Variants in ARHGEF10 observed in about 807,000 individuals in gnomAD.
ARHGEF10 encodes Rho guanine nucleotide exchange factor 10.
Under a neutral mutation model 147.4 loss-of-function variants are expected in ARHGEF10, and 140 were observed. The observed-to-expected ratio is 0.95, with a 90% CI of 0.83 to 1.09. The LOEUF (loss-of-function observed/expected upper bound fraction) is 1.09, where lower values mean the gene tolerates loss of function less well. ARHGEF10 is among the 50% of genes least tolerant of loss of function. The probability of loss-of-function intolerance (pLI) is 0.00; values close to 1 mark genes in which losing one functional copy is unlikely to be tolerated. For synonymous variants in ARHGEF10, 902 were observed against 695.8 expected (o/e 1.30, Z -4.67); for missense variants, 2,222 against 1,752.7 (o/e 1.27, Z -4.78).
chr8:1,865,826 C>T (rs545474804), intron 5 of ARHGEF10, among the ~76,000 whole-genome samples: 328 of 152,320 alleles, frequency 2.2e-3, no homozygotes, highest in African/African-American at 7.3e-3. Context: ...AGTGTCTCTG[C>T]GCTGCCACCG....
In ARHGEF10 at chr8:1,928,533, T is replaced by C. The variant is rs746646889; in HGVS notation, c.2804T>C (p.Met935Thr). The change falls in exon 24 of 29, where the codon ATG becomes ACG. Residue 935 changes from methionine to threonine, a missense_variant. By Grantham distance (81) the Met-to-Thr change is moderately conservative. Transcript: ENST00000349830. ...AACGTGGAATCTCGCATCCTGTGCA[T>C]GCTGTACGTTCCCGTCGAGGAGAAG... ...CFNVESRILCMLYVPVEEKRR... is the reference protein window; with the variant it reads ...CFNVESRILCTLYVPVEEKRR... The C allele has an allele frequency of 4.8e-5, 77 of 1,614,112 alleles. No homozygotes were observed. The highest frequency in any genetic ancestry group is 1.3e-5 in the African/African-American group (1 of 74,926).
rs1813357566 is a variant in ARHGEF10 at position 1,933,919 on chromosome 8, A to C, written c.3199A>C (p.Ser1067Arg). 1 of 1,614,094 alleles carries C rather than the reference A, an allele frequency of 6.2e-7. No homozygotes were observed. The highest frequency in any genetic ancestry group is 1.3e-5 in the African/African-American group (1 of 74,936). ...TTCCGGAGGTCAAGTCTTCATCATC[A>C]GTGTGGAGACTCATGCTGTAGAGGT... ...AASGGQVFII[S>R]VETHAVEGQL... The change falls in exon 26 of 29, where the codon AGT becomes CGT. Residue 1067 changes from serine to arginine, a missense_variant. By Grantham distance (110) the Ser-to-Arg change is moderately radical. Transcript: ENST00000349830.
chr8:1,877,977 C>T (rs921298727), intron 8 of ARHGEF10, among the ~76,000 whole-genome samples: 10 of 152,128 alleles, frequency 6.6e-5, no homozygotes, highest in Admixed American at 6.5e-5. Context: ...CTAGCTGCCA[C>T]GTCCCTATGG....
At chr8:1,894,285 G>T in intron 12 of ARHGEF10, 108 bp from the exon 13 acceptor site, 1 of 1,151,538 alleles carries the variant, frequency 8.7e-7, no homozygotes, top group Non-Finnish European at 1.3e-6. Flanking sequence ...AGGAGTTTGA[G>T]GCTGCAGTGA....
chr8:1,879,472 T>A (rs1290214837), intron 8 of ARHGEF10, among the ~76,000 whole-genome samples: 3 of 152,188 alleles, frequency 2.0e-5, no homozygotes, highest in Non-Finnish European at 4.4e-5. Flanking sequence ...TTTGCTCCTG[T>A]CTAGCACAGA....
In ARHGEF10 at chr8:1,860,090, A is replaced by G. The variant is rs749822; in HGVS notation, c.387A>G (p.Val129=). 109,578 of 1,613,744 alleles carry G rather than the reference A, an allele frequency of 0.068. 3,904 individuals carry two copies. The highest frequency in any genetic ancestry group is 0.079 in the East Asian group (3,525 of 44,860). ...TGCCCTGCGGGTACTTGGTGCCTGTACCCTGCGGCTATGCGGTGCCCTCCA... is the reference window on the plus strand; with the variant it reads ...TGCCCTGCGGGTACTTGGTGCCTGTGCCCTGCGGCTATGCGGTGCCCTCCA... ...LHVPCGYLVP[V]PCGYAVPSNL... The change falls in exon 4 of 29, where the codon GTA becomes GTG. Residue 129 remains valine (V), a synonymous_variant. Coordinates refer to ENST00000349830, the MANE Select transcript of ARHGEF10 (RefSeq NM_014629.4).
At chr8:1,941,564 A>G (rs902206033) in intron 26 of ARHGEF10, among the ~76,000 whole-genome samples, 10 of 152,044 alleles carry the variant, frequency 6.6e-5, no homozygotes, top group Admixed American at 2.0e-4. Flanking sequence ...CATAATCCCT[A>G]TCTAAATTTC....
intron 16 of ARHGEF10, 128 bp from the exon 17 acceptor site, chr8:1,905,443 A>G: frequency 8.5e-7 from 1 of 1,172,350 alleles, no homozygotes; most frequent in Non-Finnish European, 1.3e-6. Flanking sequence ...CGGGGAACAT[A>G]GGAACGATTT....
At chr8:1,918,256 G>T (rs1467492586) in intron 18 of ARHGEF10, among the ~76,000 whole-genome samples, 5 of 152,178 alleles carry the variant, frequency 3.3e-5, no homozygotes, top group African/African-American at 9.7e-5. Context: ...CCATTCATGA[G>T]GAAGCCTCAG....
chr8:1,893,187 C>G (rs1275951412), intron 11 of ARHGEF10, among the ~76,000 whole-genome samples: 2 of 148,658 alleles, frequency 1.3e-5, no homozygotes, highest in African/African-American at 5.0e-5. Flanking sequence ...TTGCTAATAA[C>G]ATTCATTGAT....
Position 1,923,807 on chromosome 8 carries a change from C to CA in ARHGEF10, c.2423dup (p.Asn808LysfsTer41). On this transcript the variant is annotated frameshift_variant, in exon 21 of 29. Coordinates refer to ENST00000349830, the MANE Select transcript of ARHGEF10 (RefSeq NM_014629.4). LOFTEE classifies it high-confidence loss of function. ...GACCGACGTTCTTTACAGCTGTGTT[C>CA]AATACGTTCACCCCTGCCATCAAGG... The CA allele has an allele frequency of 1.2e-6, 2 of 1,614,118 alleles. No individual in the cohort carries two copies. The highest frequency in any genetic ancestry group is 1.7e-6 in the Non-Finnish European group (2 of 1,180,030).
chr8:1,844,364 A>AGAGACG (rs1554471268), intron 2 of ARHGEF10, among the ~76,000 whole-genome samples: 7 of 20,980 alleles, frequency 3.3e-4, no homozygotes, highest in Admixed American at 4.7e-4. Flanking sequence ...TGACAAAGAC[A>AGAGACG]GGAGAATCCA....
chr8:1,874,637 A>T (rs1344600971), intron 7 of ARHGEF10, among the ~76,000 whole-genome samples: 8 of 152,030 alleles, frequency 5.3e-5, no homozygotes, highest in African/African-American at 1.5e-4. Context: ...GACAGGCTGG[A>T]GGAACAGTGC....
At chr8:1,892,317 GTGTGTGTGTGTT>G (rs1453021817) in intron 11 of ARHGEF10, among the ~76,000 whole-genome samples, 2 of 150,000 alleles carry the variant, frequency 1.3e-5, no homozygotes, top group African/African-American at 4.9e-5. Context: ...GTGTGTGTGT[GTGTGTGTGTGTT>G]TAATCCCAGC....
At chr8:1,875,519 G>T (rs1386485823) in intron 7 of ARHGEF10, among the ~76,000 whole-genome samples, 1 of 152,158 alleles carries the variant, frequency 6.6e-6, no homozygotes, top group East Asian at 1.9e-4. Context: ...GAGACTGCTG[G>T]GTGCCCGGGT....
At chr8:1,945,843 A>C (rs1814535098) in intron 27 of ARHGEF10, 188 bp downstream of exon 27, 1 of 891,522 alleles carries the variant, frequency 1.1e-6, no homozygotes, top group South Asian at 1.5e-5. Flanking sequence ...AGCCCACTTT[A>C]GCGCTTCCCG....
chr8:1,947,908 T>A (rs995425896), intron 27 of ARHGEF10, among the ~76,000 whole-genome samples: 1 of 151,602 alleles, frequency 6.6e-6, no homozygotes, highest in African/African-American at 2.4e-5. Flanking sequence ...TTATCCTGCT[T>A]CCCTCCAAGC....
chr8:1,854,785 C>T (rs777597741), intron 2 of ARHGEF10, among the ~76,000 whole-genome samples: 17 of 152,218 alleles, frequency 1.1e-4, no homozygotes, highest in Non-Finnish European at 8.8e-5. Context: ...CTCATTCATT[C>T]GCTCACATGA....
chr8:1,938,254 G>A (rs1813783268), intron 26 of ARHGEF10, among the ~76,000 whole-genome samples: 1 of 152,204 alleles, frequency 6.6e-6, no homozygotes, highest in Non-Finnish European at 1.5e-5. Context: ...CAGTGCTAAG[G>A]GATCTGACGT....
Sources: gnomAD v4.1 joint callset for allele counts (sites outside exome capture counted in the v4.1 genomes callset) on GRCh38, gnomAD v4.1.1 for gene constraint, MANE v1.5 for transcripts, NCBI Gene and HGNC (gene_info 2026-07-23, HGNC 2026-07-21) for gene names.